SNX27: variants seen among roughly 807,000 people sequenced by gnomAD.
SNX27 encodes sorting nexin 27.
Under a neutral mutation model 71.6 loss-of-function variants are expected in SNX27, and 22 were observed. The ratio of observed to expected loss-of-function variants is 0.31; its 90% CI spans 0.22 to 0.44. The LOEUF (loss-of-function observed/expected upper bound fraction) is 0.44. Among genes scored for constraint, SNX27 ranks in the 20% least tolerant of loss-of-function variants. The probability of loss-of-function intolerance (pLI) is 1.00; values close to 1 mark genes in which losing one functional copy is unlikely to be tolerated. For missense variants in SNX27, 531 were observed against 698.6 expected, an observed-to-expected ratio of 0.76 and a Z score of 2.70; for synonymous variants, 269 against 277.2, an observed-to-expected ratio of 0.97 and a Z score of 0.29.
At chr1:151,636,712 G>C (rs1039273309) in intron 1 of SNX27, among the ~76,000 whole-genome samples, 3 of 148,090 alleles carry the variant, frequency 2.0e-5, no homozygotes, top group Non-Finnish European at 4.4e-5. Context: ...AGTTAGCTAA[G>C]GTTCCTAGGG....
intron 2 of SNX27, among the ~76,000 whole-genome samples, chr1:151,652,990 C>G (rs976017748): frequency 2.0e-5 from 3 of 146,466 alleles, no homozygotes; most frequent in African/African-American, 7.6e-5. Flanking sequence ...TACAATGGCT[C>G]GATCTTGGCC....
chr1:151,653,316 A>G (rs1669505481), intron 2 of SNX27, among the ~76,000 whole-genome samples: 1 of 152,174 alleles, frequency 6.6e-6, no homozygotes, highest in South Asian at 2.1e-4. Context: ...GAATAATAGT[A>G]GAGATGACTG....
chr1:151,681,395 C>T (rs1440372538), intron 7 of SNX27, among the ~76,000 whole-genome samples: 2 of 151,618 alleles, frequency 1.3e-5, no homozygotes, highest in South Asian at 2.1e-4. Context: ...GCGCCTGCCA[C>T]CTCTCCCCGG....
At chr1:151,657,587 A>C (rs376688104) in intron 2 of SNX27, among the ~76,000 whole-genome samples, 1 of 152,082 alleles carries the variant, frequency 6.6e-6, no homozygotes, top group African/African-American at 2.4e-5. Context: ...GCTCCCTTCA[A>C]ATTTGCTTGC....
At chr1:151,613,548 C>G (rs946324450) in intron 1 of SNX27, among the ~76,000 whole-genome samples, 14 of 152,162 alleles carry the variant, frequency 9.2e-5, no homozygotes, top group Admixed American at 9.2e-4. Context: ...TTTCCCTCCC[C>G]TAGGCTGCTT....
At chr1:151,656,053 C>T (rs568977368) in intron 2 of SNX27, among the ~76,000 whole-genome samples, 2 of 152,122 alleles carry the variant, frequency 1.3e-5, no homozygotes, top group East Asian at 3.9e-4. Flanking sequence ...GAAACCCCGT[C>T]TCTACTAAAA....
chr1:151,636,347 G>T (rs764343251), intron 1 of SNX27, among the ~76,000 whole-genome samples: 39 of 151,950 alleles, frequency 2.6e-4, no homozygotes, highest in Admixed American at 6.5e-4. Context: ...TGTAACCCAG[G>T]CTGGAGTGCA....
intron 1 of SNX27, among the ~76,000 whole-genome samples, chr1:151,627,157 G>C (rs1667983439): frequency 6.6e-6 from 1 of 152,136 alleles, no homozygotes; most frequent in South Asian, 2.1e-4. Flanking sequence ...TTAAACATGA[G>C]TTCTGATTCT....
At chr1:151,680,880 A>G (rs1236737932) in intron 7 of SNX27, among the ~76,000 whole-genome samples, 1 of 152,192 alleles carries the variant, frequency 6.6e-6, no homozygotes, top group Non-Finnish European at 1.5e-5. Context: ...CAGGATCTTC[A>G]GGACATTGAC....
intron 5 of SNX27, among the ~76,000 whole-genome samples, chr1:151,662,974 C>T (rs899059355): frequency 6.6e-6 from 1 of 152,020 alleles, no homozygotes; most frequent in African/African-American, 2.4e-5. Context: ...GTGTGTACTT[C>T]AGTATGCATC....
intron 1 of SNX27, chr1:151,615,934 C>A: frequency 1.9e-6 from 1 of 513,462 alleles, no homozygotes; most frequent in Non-Finnish European, 2.5e-6. Context: ...AGTCCTGAAA[C>A]TAAATTGGAG....
chr1:151,615,598 A>G, intron 1 of SNX27: 1 of 597,904 alleles, frequency 1.7e-6, no homozygotes, highest in Admixed American at 6.3e-5. Context: ...AAAGCTTTGC[A>G]TGTTGCTGAA....
At chr1:151,623,928 A>T (rs1310278126) in intron 1 of SNX27, among the ~76,000 whole-genome samples, 1 of 152,174 alleles carries the variant, frequency 6.6e-6, no homozygotes, top group East Asian at 1.9e-4. Flanking sequence ...CTCACATGTG[A>T]TAAAGACATT....
Position 151,633,836 on chromosome 1 carries a change from C to A in SNX27, c.312-5052C>A, listed in dbSNP as rs997662682. On this transcript the variant is annotated intron_variant, in intron 1 of 11. Transcript: ENST00000458013. The stretch of plus-strand genomic sequence containing the variant: ...TTTTTCCTTTTATTGCTGTGATACT[C>A]CACTTTATGAATATGCCACAACTTG... 5.3e-5 allele frequency among the ~76,000 whole-genome samples: 8 copies of A among 152,106 alleles called. No individual in the cohort carries two copies. The East Asian group carries it at 1.5e-3, about 29-fold the overall frequency.
intron 1 of SNX27, among the ~76,000 whole-genome samples, chr1:151,621,872 C>T (rs564547684): frequency 2.6e-4 from 40 of 152,232 alleles, no homozygotes; most frequent in Non-Finnish European, 4.3e-4. Flanking sequence ...TCATCTAGAA[C>T]GTTTGTTCCT....
At chr1:151,645,519 C>T (rs962233574) in intron 2 of SNX27, among the ~76,000 whole-genome samples, 1 of 152,198 alleles carries the variant, frequency 6.6e-6, no homozygotes, top group African/African-American at 2.4e-5. Context: ...AACTTCAAAT[C>T]TCAGTTTAAT....
chr1:151,671,850 T>A (rs1670463970), intron 7 of SNX27, among the ~76,000 whole-genome samples: 2 of 152,240 alleles, frequency 1.3e-5, no homozygotes, highest in South Asian at 4.1e-4. Context: ...TGTTGTTGAT[T>A]TTGTATCCTG....
intron 2 of SNX27, among the ~76,000 whole-genome samples, chr1:151,651,621 C>T (rs1669383803): frequency 1.3e-5 from 2 of 150,386 alleles, no homozygotes; most frequent in African/African-American, 4.9e-5. Flanking sequence ...GGGGCAGAGG[C>T]GCTCCCCACA....
Position 151,658,444 on chromosome 1 carries a change from A to G in SNX27, c.736+17A>G, listed in dbSNP as rs772449593. On this transcript the variant is annotated intron_variant, in intron 3 of 11. Coordinates refer to ENST00000458013, the MANE Select transcript of SNX27 (RefSeq NM_001330723.2). ...TAGAAAAAGGTAATCCAAACCATCA[A>G]ACTCTACTATATTGAGTAGACGTAG... 6.2e-7 allele frequency: 1 copy of G among 1,610,684 alleles called. No individual in the cohort carries two copies. The highest frequency in any genetic ancestry group is 2.2e-5 in the East Asian group (1 of 44,870).
Sources: allele counts gnomAD v4.1 joint callset (sites outside exome capture counted in the v4.1 genomes callset), GRCh38; gene constraint gnomAD v4.1.1; transcripts MANE v1.5; gene names NCBI Gene and HGNC (gene_info 2026-07-23, HGNC 2026-07-21).